Variants in DENND5B observed in about 807,000 individuals in gnomAD.
DENND5B encodes DENN domain-containing protein 5B.
A neutral mutation model predicts 140.6 loss-of-function variants in DENND5B; 34 were observed. The ratio of observed to expected loss-of-function variants is 0.24; its 90% CI spans 0.18 to 0.32. The LOEUF (loss-of-function observed/expected upper bound fraction) is 0.32. DENND5B is among the 10% of genes least tolerant of loss of function. DENND5B has a pLI of 1.00. For missense variants in DENND5B, 1,142 were observed against 1,560.2 expected, an observed-to-expected ratio of 0.73 and a Z score of 4.52; for synonymous variants, 551 against 562.1, an observed-to-expected ratio of 0.98 and a Z score of 0.28.
intron 1 of DENND5B, among the ~76,000 whole-genome samples, chr12:31,584,905 C>A (rs1381384118): frequency 2.1e-5 from 3 of 143,942 alleles, no homozygotes; most frequent in Admixed American, 7.6e-5. Flanking sequence ...AGAGGCATGG[C>A]GCCAGCATCT....
At chr12:31,519,310 T>C (rs561803204) in intron 1 of DENND5B, among the ~76,000 whole-genome samples, 1 of 152,302 alleles carries the variant, frequency 6.6e-6, no homozygotes, top group South Asian at 2.1e-4. Context: ...CTGCATGACT[T>C]GTGAGTTAGC....
chr12:31,538,155 C>T (rs1245063764), intron 1 of DENND5B, among the ~76,000 whole-genome samples: 2 of 152,104 alleles, frequency 1.3e-5, no homozygotes, highest in Non-Finnish European at 2.9e-5. Flanking sequence ...CCTAATCAGA[C>T]CAAATGGACC....
chr12:31,551,047 A>G (rs11051460), intron 1 of DENND5B, among the ~76,000 whole-genome samples: 9,905 of 151,974 alleles, frequency 0.065, 428 homozygotes, highest in Middle Eastern at 0.14. Flanking sequence ...CTTTTGCTGT[A>G]CAGAAGCTCT....
intron 14 of DENND5B, among the ~76,000 whole-genome samples, chr12:31,408,127 C>T (rs1942234730): frequency 6.6e-6 from 1 of 151,744 alleles, no homozygotes; most frequent in Non-Finnish European, 1.5e-5. Context: ...GAAACCCTGT[C>T]TCCACTAAAA....
intron 1 of DENND5B, among the ~76,000 whole-genome samples, chr12:31,516,478 A>C: frequency 8.7e-6 from 1 of 114,848 alleles, no homozygotes; most frequent in Admixed American, 8.0e-5. Flanking sequence ...ACCCTGTCTC[A>C]AAAAAAAAAA....
chr12:31,498,837 G>A (rs986332843), intron 1 of DENND5B, among the ~76,000 whole-genome samples: 2 of 151,926 alleles, frequency 1.3e-5, no homozygotes, highest in Non-Finnish European at 2.9e-5. Context: ...GCCAAGCATG[G>A]TGGCATGCAC....
rs531277808 is a variant in DENND5B, at chr12:31,566,598, G to GT, written c.127+24107dup. Reference sequence around the variant, plus strand: ...AGCAAGGGCCACATAGCAGGACCAGGTATCTACAATAATTTTTTAAAAATT... The same window carrying GT: ...AGCAAGGGCCACATAGCAGGACCAGGTTATCTACAATAATTTTTTAAAAATT... On this transcript the variant is annotated intron_variant, in intron 1 of 20. Coordinates refer to ENST00000389082, the MANE Select transcript of DENND5B (RefSeq NM_144973.4). Among the ~76,000 whole-genome samples, 249 of 151,868 alleles carry GT rather than the reference G, an allele frequency of 1.6e-3. 2 individuals are homozygous for GT. Among genetic ancestry groups the GT allele is most frequent in the African/African-American group, 5.8e-3 (240 of 41,414 alleles).
At chr12:31,421,795 G>A (rs11051424) in intron 11 of DENND5B, among the ~76,000 whole-genome samples, 1,560 of 152,126 alleles carry the variant, frequency 0.01, 67 homozygotes, top group Admixed American at 0.079. Context: ...CAGGTGATCC[G>A]CCTGCCTTGC....
At chr12:31,542,909 CTG>C (rs1948735616) in intron 1 of DENND5B, among the ~76,000 whole-genome samples, 1 of 152,136 alleles carries the variant, frequency 6.6e-6, no homozygotes, top group Non-Finnish European at 1.5e-5. Flanking sequence ...GGAGCCAAGA[CTG>C]TGCCACCATT....
rs777173727 is a variant in DENND5B, at chr12:31,495,842, A to T, written c.205T>A (p.Trp69Arg). The T allele has an allele frequency of 6.2e-7, 1 of 1,612,604 alleles. No homozygotes were observed. The highest frequency in any genetic ancestry group is 8.5e-7 in the Non-Finnish European group (1 of 1,179,252). ...ACCGCATCTTGATCAAAAGGGTTCC[A>T]TTCTATATTCTGAGGATAGTGGGCG... is the stretch of plus-strand genomic sequence containing the variant. ...VLAHYPQNIEWNPFDQDAVNM... is the reference protein window; with the variant it reads ...VLAHYPQNIERNPFDQDAVNM... Residue 69 changes from tryptophan to arginine, a missense_variant, in exon 2 of 21, where the codon TGG becomes AGG. Transcript: ENST00000389082.
intron 1 of DENND5B, chr12:31,499,575 AG>A: frequency 6.9e-7 from 1 of 1,454,384 alleles, no homozygotes; most frequent in Non-Finnish European, 9.0e-7. Flanking sequence ...GATTTATAAT[AG>A]CCCATCCTTG....
At chr12:31,464,520 T>C (rs1945167133) in intron 3 of DENND5B, among the ~76,000 whole-genome samples, 1 of 152,144 alleles carries the variant, frequency 6.6e-6, no homozygotes, top group South Asian at 2.1e-4. Context: ...TCTTCCCCAA[T>C]ACCCCATCAT....
chr12:31,496,482 A>G (rs1946765271), intron 1 of DENND5B, among the ~76,000 whole-genome samples: 1 of 152,200 alleles, frequency 6.6e-6, no homozygotes, highest in African/African-American at 2.4e-5. Context: ...TAAACATACT[A>G]ACCTTTTAAA....
chr12:31,465,656 C>A (rs187947194), intron 3 of DENND5B: 2 of 152,094 alleles, frequency 1.3e-5, no homozygotes, highest in Non-Finnish European at 2.9e-5. Flanking sequence ...GTGAGCCATG[C>A]GCCTGGCCCA....
chr12:31,575,980 GA>G (rs1265318580), intron 1 of DENND5B, among the ~76,000 whole-genome samples: 6 of 149,984 alleles, frequency 4.0e-5, no homozygotes, highest in African/African-American at 1.5e-4. Flanking sequence ...CAGAAAGAAA[GA>G]AAGAAAAAAG....
intron 17 of DENND5B, among the ~76,000 whole-genome samples, chr12:31,393,663 C>A (rs1593042301): frequency 6.6e-6 from 1 of 152,230 alleles, no homozygotes; most frequent in East Asian, 1.9e-4. Flanking sequence ...TGAATTCATA[C>A]TGCTCAAGGA....
intron 13 of DENND5B, among the ~76,000 whole-genome samples, chr12:31,410,808 C>A (rs1359784919): frequency 2.0e-5 from 3 of 152,114 alleles, no homozygotes; most frequent in African/African-American, 7.2e-5. Context: ...TGAACACAAG[C>A]ATTCAGACTT....
intron 1 of DENND5B, among the ~76,000 whole-genome samples, chr12:31,539,002 ACTAAGAAAAAG>A (rs1432258173): frequency 6.6e-6 from 1 of 151,818 alleles, no homozygotes; most frequent in African/African-American, 2.4e-5. Flanking sequence ...TGCTAGACAG[ACTAAGAAAAAG>A]AGAAGACACA....
chr12:31,430,814 T>C (rs773908811), intron 8 of DENND5B, among the ~76,000 whole-genome samples: 1 of 152,140 alleles, frequency 6.6e-6, no homozygotes, highest in Non-Finnish European at 1.5e-5. Context: ...GTGGATTCCA[T>C]AGGGCCATGT....
Sources: gnomAD v4.1 joint callset for allele counts (sites outside exome capture counted in the v4.1 genomes callset) on GRCh38, gnomAD v4.1.1 for gene constraint, MANE v1.5 for transcripts, NCBI Gene and HGNC (gene_info 2026-07-23, HGNC 2026-07-21) for gene names.